Variants in RBFOX1 observed in about 807,000 individuals in gnomAD.
RBFOX1 encodes the protein RNA binding fox-1 homolog 1.
A neutral mutation model predicts 57.7 loss-of-function variants in RBFOX1; 8 were observed. That is an observed-to-expected ratio of 0.14 (90% CI 0.08 to 0.25). The LOEUF is 0.25. RBFOX1 is among the 10% of genes least tolerant of loss of function. The probability of loss-of-function intolerance (pLI) is 1.00; values close to 1 mark genes in which losing one functional copy is unlikely to be tolerated. For missense variants in RBFOX1, 611 were observed against 548.5 expected, an observed-to-expected ratio of 1.11 and a Z score of -1.14; for synonymous variants, 326 against 222.4, an observed-to-expected ratio of 1.47 and a Z score of -4.15.
At chr16:7,371,315 A>G (rs939537162) in intron 4 of RBFOX1, among the ~76,000 whole-genome samples, 3 of 152,232 alleles carry the variant, frequency 2.0e-5, no homozygotes, top group African/African-American at 7.2e-5. Flanking sequence ...TTAAAGTGGT[A>G]CGTGCCTGTG....
chr16:6,526,645 A>G (rs1052303927), intron 2 of RBFOX1, among the ~76,000 whole-genome samples: 15 of 151,936 alleles, frequency 9.9e-5, no homozygotes, highest in African/African-American at 3.6e-4. Flanking sequence ...CCTGGCTAAC[A>G]TGGAGAAACC....
intron 3 of RBFOX1, among the ~76,000 whole-genome samples, chr16:5,674,341 C>T (rs1471480029): frequency 6.6e-6 from 1 of 152,162 alleles, no homozygotes; most frequent in Non-Finnish European, 1.5e-5. Context: ...ATGTAATCTC[C>T]ACTTTCCTCT....
chr16:7,441,927 C>T (rs1342054145), intron 4 of RBFOX1, among the ~76,000 whole-genome samples: 1 of 152,192 alleles, frequency 6.6e-6, no homozygotes, highest in Non-Finnish European at 1.5e-5. Context: ...ATGCTGGCAG[C>T]CTGGAAGCTT....
intron 2 of RBFOX1, among the ~76,000 whole-genome samples, chr16:6,524,844 G>C (rs540429290): frequency 2.6e-5 from 4 of 152,214 alleles, no homozygotes; most frequent in African/African-American, 9.6e-5. Flanking sequence ...GTGTGTCTGA[G>C]TCTATGTGTC....
intron 3 of RBFOX1, among the ~76,000 whole-genome samples, chr16:5,826,576 CTT>C (rs1248121789): frequency 1.3e-5 from 2 of 152,206 alleles, no homozygotes; most frequent in Admixed American, 6.5e-5. Flanking sequence ...GTCAAGAAAA[CTT>C]TATTTACAAA....
intron 3 of RBFOX1, among the ~76,000 whole-genome samples, chr16:6,939,891 C>G (rs534122490): frequency 6.6e-6 from 1 of 152,240 alleles, no homozygotes; most frequent in South Asian, 2.1e-4. Context: ...GCATATTATT[C>G]AATTTCACTC....
intron 3 of RBFOX1, among the ~76,000 whole-genome samples, chr16:7,024,276 A>G (rs1474199281): frequency 1.3e-5 from 2 of 152,180 alleles, no homozygotes; most frequent in East Asian, 1.9e-4. Flanking sequence ...GGTGGCTTTG[A>G]CAAAGACTAC....
intron 4 of RBFOX1, among the ~76,000 whole-genome samples, chr16:7,254,092 T>C (rs1411567921): frequency 6.6e-6 from 1 of 152,162 alleles, no homozygotes; most frequent in East Asian, 1.9e-4. Flanking sequence ...AAGAATGCCC[T>C]TTACTTCCAC....
intron 4 of RBFOX1, among the ~76,000 whole-genome samples, chr16:7,198,152 C>T (rs932854068): frequency 6.6e-6 from 1 of 151,882 alleles, no homozygotes; most frequent in South Asian, 2.1e-4. Context: ...ACTACAGGCA[C>T]CCGCCACCAC....
At chr16:6,722,464 T>G (rs934559162) in intron 3 of RBFOX1, among the ~76,000 whole-genome samples, 1 of 152,070 alleles carries the variant, frequency 6.6e-6, no homozygotes, top group Non-Finnish European at 1.5e-5. Flanking sequence ...CACTCCTTTC[T>G]GATGAAAGCG....
chr16:7,677,783 A>C (rs2073774774), intron 14 of RBFOX1, among the ~76,000 whole-genome samples: 1 of 152,178 alleles, frequency 6.6e-6, no homozygotes, highest in African/African-American at 2.4e-5. Context: ...AACAATGATA[A>C]CAATTTGCAT....
At chr16:5,866,680 T>C (rs1038216011) in intron 3 of RBFOX1, among the ~76,000 whole-genome samples, 1 of 152,208 alleles carries the variant, frequency 6.6e-6, no homozygotes. Flanking sequence ...TTTCTTATGC[T>C]TAATAACATC....
chr16:7,455,102 T>C (rs964738464), intron 4 of RBFOX1, among the ~76,000 whole-genome samples: 2 of 152,328 alleles, frequency 1.3e-5, no homozygotes, highest in East Asian at 1.9e-4. Context: ...GACCATTGTA[T>C]TTTCTGCCAT....
At chr16:5,507,972 G>T (rs1567174621) in intron 2 of RBFOX1, among the ~76,000 whole-genome samples, 1 of 152,130 alleles carries the variant, frequency 6.6e-6, no homozygotes, top group Non-Finnish European at 1.5e-5. Flanking sequence ...ATTTGTTATG[G>T]CAGCCCTGGG....
chr16:7,504,737 A>ATATATATATATATTTATATATATATT (rs2072353937), intron 4 of RBFOX1, among the ~76,000 whole-genome samples: 1 of 6,492 alleles, frequency 1.5e-4, no homozygotes, highest in Non-Finnish European at 4.5e-4. Context: ...ATATATATAT[A>ATATATATATATATTTATATATATATT]TATATATATA....
chr16:5,643,602 A>C (rs2048950885), intron 3 of RBFOX1, among the ~76,000 whole-genome samples: 1 of 152,180 alleles, frequency 6.6e-6, no homozygotes, highest in Admixed American at 6.5e-5. Flanking sequence ...AGTCATAGCA[A>C]GGTATTTTTA....
intron 3 of RBFOX1, chr16:7,003,934 T>A (rs1184957828): frequency 6.8e-6 from 1 of 148,122 alleles, no homozygotes; most frequent in East Asian, 2.0e-4. Flanking sequence ...TGTCAATAAA[T>A]TTATCTGCTT....
At chr16:5,452,408 C>G (rs2068455249) in intron 1 of RBFOX1, among the ~76,000 whole-genome samples, 1 of 151,974 alleles carries the variant, frequency 6.6e-6, no homozygotes, top group Non-Finnish European at 1.5e-5. Context: ...TACACCCGGG[C>G]TGATTCATCC....
At chr16:5,425,101 C>CTATCTATCTATT (rs1427273885) in intron 1 of RBFOX1, among the ~76,000 whole-genome samples, 2 of 146,424 alleles carry the variant, frequency 1.4e-5, no homozygotes, top group South Asian at 2.3e-4. Context: ...ATCTATCTAT[C>CTATCTATCTATT]TATCTATCTA....
Sources: allele counts gnomAD v4.1 joint callset (sites outside exome capture counted in the v4.1 genomes callset), GRCh38; gene constraint gnomAD v4.1.1; transcripts MANE v1.5; gene names NCBI Gene and HGNC (gene_info 2026-07-23, HGNC 2026-07-21).